The following EPHA5 variants were observed in gnomAD, a reference collection of about 807,000 sequenced individuals.
EPHA5 encodes the protein ephrin type-A receptor 5.
Under a neutral mutation model 105.0 loss-of-function variants are expected in EPHA5, and 60 were observed. The observed-to-expected ratio is 0.57, with a 90% CI of 0.46 to 0.71. The LOEUF is 0.71. Among genes scored for constraint, EPHA5 ranks in the 30% least tolerant of loss-of-function variants. EPHA5 has a pLI of 0.00. For synonymous variants in EPHA5, 513 were observed against 449.1 expected (o/e 1.14, Z -1.80); for missense variants, 1,218 against 1,274.7 (o/e 0.96, Z 0.68).
rs1719703239 is a variant in EPHA5 at position 65,322,375 on chromosome 4, T to C, written c.*1739A>G. On this transcript the variant is annotated 3_prime_UTR_variant, in exon 17 of 17. Transcript: ENST00000613740. ...TGCTTGGAAAAAAGAATACCATTAATATAACGTGGCTATATTTCTGATAAA... is the reference window on the plus strand; with the variant it reads ...TGCTTGGAAAAAAGAATACCATTAACATAACGTGGCTATATTTCTGATAAA... 5 of 224,734 alleles carry C rather than the reference T, an allele frequency of 2.2e-5. No individual in the cohort carries two copies. The highest frequency in any genetic ancestry group is 2.6e-3 in the Middle Eastern group (2 of 770). The allele number at this position is 224,734 out of a possible 1,614,324, so 13.9% of individuals were successfully genotyped here.
intron 8 of EPHA5, among the ~76,000 whole-genome samples, chr4:65,382,392 A>C (rs188439532): frequency 2.0e-5 from 3 of 151,972 alleles, no homozygotes; most frequent in Admixed American, 1.3e-4. Flanking sequence ...TTCCTCCACG[A>C]ATGCCACAGG....
intron 8 of EPHA5, among the ~76,000 whole-genome samples, chr4:65,387,576 A>G (rs571920050): frequency 6.6e-6 from 1 of 152,082 alleles, no homozygotes; most frequent in South Asian, 2.1e-4. Flanking sequence ...AAGCCTTAAA[A>G]AAAAGCCTTA....
At chr4:65,600,600 A>C (rs1743623580) in intron 3 of EPHA5, among the ~76,000 whole-genome samples, 2 of 152,146 alleles carry the variant, frequency 1.3e-5, no homozygotes, top group South Asian at 4.1e-4. Flanking sequence ...GATTCATGTA[A>C]CAGAGTGGAC....
At chr4:65,354,749 A>T (rs1723137946) in intron 11 of EPHA5, among the ~76,000 whole-genome samples, 1 of 151,738 alleles carries the variant, frequency 6.6e-6, no homozygotes, top group South Asian at 2.1e-4. Context: ...AGAACATATG[A>T]TTAATACATA....
intron 5 of EPHA5, among the ~76,000 whole-genome samples, chr4:65,462,621 T>A (rs1728236410): frequency 6.6e-6 from 1 of 152,176 alleles, no homozygotes; most frequent in Admixed American, 6.5e-5. Context: ...TCTCTCCACA[T>A]GCTCTCTCAT....
rs537676559 is a variant in EPHA5 at position 65,361,947 on chromosome 4, A to G, written c.2173+3070T>C. Among the ~76,000 whole-genome samples, 5 of 151,610 alleles carry G rather than the reference A, an allele frequency of 3.3e-5. No homozygotes were observed. In the South Asian group the frequency reaches 1.0e-3, roughly 31 times the overall value. On this transcript the variant is annotated intron_variant, in intron 11 of 16. Transcript: ENST00000613740. ...AGGATGCTGCAGTGAAAAAATTACA[A>G]CTTTTTTTCCTTTTTATCTTCTTCC...
chr4:65,493,693 G>A (rs1731643318), intron 4 of EPHA5, among the ~76,000 whole-genome samples: 1 of 152,020 alleles, frequency 6.6e-6, no homozygotes, highest in Non-Finnish European at 1.5e-5. Context: ...ACTGAGAAAT[G>A]TGAAGCCTGA....
chr4:65,416,150 C>A (rs1000081739), intron 6 of EPHA5, among the ~76,000 whole-genome samples: 1 of 151,922 alleles, frequency 6.6e-6, no homozygotes, highest in African/African-American at 2.4e-5. Context: ...AAGAAAAAAT[C>A]TAGTCAGAAT....
At chr4:65,452,998 A>G (rs1041919722) in intron 5 of EPHA5, among the ~76,000 whole-genome samples, 1 of 152,142 alleles carries the variant, frequency 6.6e-6, no homozygotes, top group Non-Finnish European at 1.5e-5. Context: ...TCTTTCTTCA[A>G]TCTTTGTCCA....
intron 5 of EPHA5, among the ~76,000 whole-genome samples, chr4:65,469,903 A>G (rs1490528255): frequency 6.6e-6 from 1 of 152,142 alleles, no homozygotes; most frequent in Non-Finnish European, 1.5e-5. Context: ...GCGCACAAAA[A>G]TTGTTAGAAG....
At chr4:65,370,621 G>A (rs966450862) in intron 8 of EPHA5, among the ~76,000 whole-genome samples, 2 of 151,880 alleles carry the variant, frequency 1.3e-5, no homozygotes, top group African/African-American at 4.8e-5. Flanking sequence ...TAAGCCTCAC[G>A]GATATTTAAA....
At chr4:65,465,222 G>A (rs1728496489) in intron 5 of EPHA5, among the ~76,000 whole-genome samples, 1 of 151,892 alleles carries the variant, frequency 6.6e-6, no homozygotes, top group Admixed American at 6.6e-5. Context: ...CGGTTCACAG[G>A]GTCAGGAGTT....
intron 3 of EPHA5, among the ~76,000 whole-genome samples, chr4:65,535,105 C>A (rs1017054429): frequency 2.0e-5 from 3 of 152,188 alleles, no homozygotes; most frequent in Non-Finnish European, 4.4e-5. Flanking sequence ...TGGTAAATCA[C>A]ACTAGTAAGT....
chr4:65,578,363 G>A (rs1453843768), intron 3 of EPHA5, among the ~76,000 whole-genome samples: 2 of 152,094 alleles, frequency 1.3e-5, no homozygotes, highest in Non-Finnish European at 2.9e-5. Flanking sequence ...TTTCTTCTAT[G>A]GAAAGGTCAG....
intron 13 of EPHA5, among the ~76,000 whole-genome samples, chr4:65,350,571 T>C (rs2148851464): frequency 6.6e-6 from 1 of 152,222 alleles, no homozygotes; most frequent in South Asian, 2.1e-4. Flanking sequence ...TTGATGACAC[T>C]GAACATATTT....
intron 14 of EPHA5, among the ~76,000 whole-genome samples, chr4:65,344,830 A>T (rs1722062796): frequency 6.6e-6 from 1 of 152,162 alleles, no homozygotes; most frequent in South Asian, 2.1e-4. Flanking sequence ...GTAATCATAT[A>T]TTCAATTGAA....
chr4:65,331,215 T>A (rs1046169741), intron 16 of EPHA5: 1 of 1,030,900 alleles, frequency 9.7e-7, no homozygotes. Context: ...GTAATCTAGA[T>A]GGAACCACCA....
At chr4:65,606,831 G>T (rs1744274220) in intron 2 of EPHA5, among the ~76,000 whole-genome samples, 1 of 151,934 alleles carries the variant, frequency 6.6e-6, no homozygotes, top group South Asian at 2.1e-4. Context: ...GACCATCTTA[G>T]GGATTTCCTT....
At chr4:65,608,259 T>G (rs1227637995) in intron 2 of EPHA5, among the ~76,000 whole-genome samples, 1 of 152,070 alleles carries the variant, frequency 6.6e-6, no homozygotes, top group Non-Finnish European at 1.5e-5. Flanking sequence ...ATCCCAGCAC[T>G]TTGGGAGGCT....
Sources: gnomAD v4.1 joint callset for allele counts (sites outside exome capture counted in the v4.1 genomes callset) on GRCh38, gnomAD v4.1.1 for gene constraint, MANE v1.5 for transcripts, NCBI Gene and HGNC (gene_info 2026-07-23, HGNC 2026-07-21) for gene names.